RPRD2: variants seen among roughly 807,000 people sequenced by gnomAD.
The protein encoded by RPRD2 is regulation of nuclear pre-mRNA domain-containing protein 2.
RPRD2 carries 12 observed loss-of-function variants against 104.4 expected under a neutral mutation model. That is an observed-to-expected ratio of 0.11 (90% confidence interval 0.07 to 0.19). The LOEUF (loss-of-function observed/expected upper bound fraction) is 0.19, where lower values mean the gene tolerates loss of function less well. Ranked by LOEUF, RPRD2 falls within the 10% of genes least tolerant of loss-of-function variation. The probability of loss-of-function intolerance (pLI) is 1.00; values close to 1 mark genes in which losing one functional copy is unlikely to be tolerated. For missense variants in RPRD2, 1,543 were observed against 1,790.1 expected (o/e 0.86, Z 2.49); for synonymous variants, 714 against 684.9 (o/e 1.04, Z -0.66).
In RPRD2 at chr1:150,470,859, T is replaced by C. The variant is rs1240106331; in HGVS notation, c.1911T>C (p.Thr637=). 1 of 1,613,870 alleles carries C rather than the reference T, an allele frequency of 6.2e-7. No homozygotes were observed. Among genetic ancestry groups the C allele is most frequent in the Non-Finnish European group, 8.5e-7 (1 of 1,179,898 alleles). The change falls in exon 11 of 11, where the codon ACT becomes ACC. Residue 637 remains threonine, a synonymous_variant. Coordinates refer to ENST00000369068, the MANE Select transcript of RPRD2 (RefSeq NM_015203.5). ...TGGGGTTTACAGCTACCCACAATACTAGCCCTGCTGCCCCACCTACTGAAG... is the reference window on the plus strand; with the variant it reads ...TGGGGTTTACAGCTACCCACAATACCAGCCCTGCTGCCCCACCTACTGAAG... The part of the protein sequence containing the change: ...NSLGFTATHN[T]SPAAPPTEVT...
chr1:150,453,318 A>G (rs1418180656), intron 7 of RPRD2, among the ~76,000 whole-genome samples: 2 of 152,180 alleles, frequency 1.3e-5, no homozygotes, highest in Admixed American at 1.3e-4. Flanking sequence ...GGCGTGAGCC[A>G]CCGCGCCTGG....
intron 1 of RPRD2, among the ~76,000 whole-genome samples, chr1:150,416,598 G>T (rs1042661270): frequency 1.3e-5 from 2 of 152,084 alleles, no homozygotes; most frequent in African/African-American, 4.8e-5. Flanking sequence ...ACTGGGTGTG[G>T]TGGCTCACAC....
intron 2 of RPRD2, among the ~76,000 whole-genome samples, chr1:150,424,019 T>C (rs1664944648): frequency 6.6e-6 from 1 of 152,064 alleles, no homozygotes; most frequent in South Asian, 2.1e-4. Context: ...CTCAAACTCC[T>C]GACCTCAGGT....
At chr1:150,466,142 G>C (rs2102429452) in intron 10 of RPRD2, among the ~76,000 whole-genome samples, 1 of 152,150 alleles carries the variant, frequency 6.6e-6, no homozygotes, top group East Asian at 1.9e-4. Context: ...ACTTTGGGAG[G>C]CTGAGGCAGG....
rs752662984 is a variant in RPRD2 at position 150,473,140 on chromosome 1, C to T, written c.4192C>T (p.Pro1398Ser). 4.3e-6 allele frequency: 7 copies of T among 1,613,858 alleles called. No homozygotes were observed. The highest frequency in any genetic ancestry group is 5.9e-6 in the Non-Finnish European group (7 of 1,179,880). Residue 1398 changes from proline (P) to serine (S), a missense_variant, in exon 11 of 11, where the codon CCC becomes TCC. Physicochemically the swap from Pro to Ser is moderately conservative, Grantham distance 74 (BLOSUM62 -1). Coordinates refer to ENST00000369068, the MANE Select transcript of RPRD2 (RefSeq NM_015203.5). ...AGGCAGCAACAGCAGCAGTGGCCCC[C>T]CCTTGGGTCCCTCACACAGAGACAC... ...GGGSNSSSGP[P>S]LGPSHRDTIS...
At chr1:150,459,960 T>A in intron 8 of RPRD2, 100 bp from the exon 9 acceptor site, 6 of 1,080,458 alleles carry the variant, frequency 5.6e-6, no homozygotes, top group South Asian at 1.6e-5. Flanking sequence ...AAGTAGTGCC[T>A]TTTCCCCCAA....
At position 150,472,784 on chromosome 1, in the gene RPRD2, A is replaced by T; in HGVS notation, c.3836A>T (p.His1279Leu). 6.2e-7 allele frequency: 1 copy of T among 1,610,932 alleles called. No individual in the cohort carries two copies. Among genetic ancestry groups the T allele is most frequent in the Non-Finnish European group, 8.5e-7 (1 of 1,177,478 alleles). Residue 1279 changes from histidine to leucine, a missense_variant, in exon 11 of 11, where the codon CAT (histidine) becomes CTT (leucine). Around this residue, in one of 4 missense-constraint regions of RPRD2, gnomAD observed 880 missense variants for 885.6 expected, o/e 0.99. Coordinates refer to ENST00000369068, the MANE Select transcript of RPRD2 (RefSeq NM_015203.5). ...CCTCCTCCTCCCCCTCCTGGGGAAC[A>T]TAGCAGCAGTGGTGGGAGTGGTGTC... is the stretch of plus-strand genomic sequence containing the variant. The part of the protein sequence containing the change: ...TPPPPPPPGE[H>L]SSSGGSGVPF...
chr1:150,427,342 G>C (rs12045304), intron 2 of RPRD2, among the ~76,000 whole-genome samples: 1 of 151,650 alleles, frequency 6.6e-6, no homozygotes, highest in African/African-American at 2.4e-5. Context: ...GCGTGGTAGC[G>C]CGTGCCTGTA....
chr1:150,446,486 G>A (rs1485380255), intron 7 of RPRD2, 85 bp downstream of exon 7: 1 of 1,185,532 alleles, frequency 8.4e-7, no homozygotes, highest in Non-Finnish European at 1.2e-6. Flanking sequence ...AACTCTGTTA[G>A]GATATGCATT....
chr1:150,429,254 G>C (rs1433882973), intron 2 of RPRD2, among the ~76,000 whole-genome samples: 1 of 152,040 alleles, frequency 6.6e-6, no homozygotes, highest in Non-Finnish European at 1.5e-5. Context: ...CACCACGCCT[G>C]ACTAATTTTG....
intron 1 of RPRD2, among the ~76,000 whole-genome samples, chr1:150,411,385 T>C (rs1663893583): frequency 7.1e-6 from 1 of 140,042 alleles, no homozygotes; most frequent in African/African-American, 2.8e-5. Flanking sequence ...TGCTTGAACC[T>C]GGGAGGCGGA....
At chr1:150,437,060 A>G (rs1200373337) in intron 2 of RPRD2, among the ~76,000 whole-genome samples, 3 of 151,838 alleles carry the variant, frequency 2.0e-5, no homozygotes, top group Non-Finnish European at 4.4e-5. Flanking sequence ...AAAAGAAAGA[A>G]AGACATTTTG....
At chr1:150,432,175 T>TAAA (rs59749202) in intron 2 of RPRD2, among the ~76,000 whole-genome samples, 3 of 131,176 alleles carry the variant, frequency 2.3e-5, no homozygotes, top group African/African-American at 8.6e-5. Flanking sequence ...CCCTAAATCT[T>TAAA]AAAAAAAAAA....
intron 1 of RPRD2, among the ~76,000 whole-genome samples, chr1:150,378,132 TGTA>T (rs1398160397): frequency 6.6e-6 from 1 of 152,178 alleles, no homozygotes; most frequent in Non-Finnish European, 1.5e-5. Context: ...CAGTCATTAA[TGTA>T]GTTAATTTTA....
At chr1:150,375,941 T>C (rs1660650104) in intron 1 of RPRD2, among the ~76,000 whole-genome samples, 1 of 152,192 alleles carries the variant, frequency 6.6e-6, no homozygotes, top group Non-Finnish European at 1.5e-5. Flanking sequence ...TTCGTAGTGA[T>C]TTCAAATTCC....
chr1:150,457,552 G>A lies in RPRD2; in HGVS notation c.1135G>A (p.Asp379Asn). 3 of 1,613,866 alleles carry A rather than the reference G, an allele frequency of 1.9e-6. No homozygotes were observed. The highest frequency in any genetic ancestry group is 2.5e-6 in the Non-Finnish European group (3 of 1,179,764). Residue 379 changes from aspartate (D) to asparagine (N), a missense_variant, in exon 8 of 11, where the codon GAT (aspartate) becomes AAT (asparagine). Physicochemically the swap from Asp to Asn is conservative, Grantham distance 23 (BLOSUM62 1). This residue lies in a region of RPRD2 where 572 missense variants were observed against 787.3 expected (regional missense o/e 0.73). Transcript: ENST00000369068. ...CATGGAACTCTCAGATGTGGAAGAT[G>A]ATGGGTCAAAAATCATTGGTATGTC... Reference protein sequence around the residue: ...EDMELSDVEDDGSKIIVEDRK... With the variant: ...EDMELSDVEDNGSKIIVEDRK...
intron 2 of RPRD2, among the ~76,000 whole-genome samples, chr1:150,432,719 T>C (rs782627475): frequency 2.0e-5 from 3 of 150,960 alleles, no homozygotes; most frequent in Non-Finnish European, 4.4e-5. Context: ...GGCTCACACG[T>C]GTAATCCTGA....
At chr1:150,460,825 T>C (rs1161401220) in intron 9 of RPRD2, among the ~76,000 whole-genome samples, 1 of 151,056 alleles carries the variant, frequency 6.6e-6, no homozygotes, top group Admixed American at 6.6e-5. Flanking sequence ...ATCTCCCAGG[T>C]TCAAGCAATT....
chr1:150,395,006 A>T (rs1376209493), intron 1 of RPRD2, among the ~76,000 whole-genome samples: 2 of 152,128 alleles, frequency 1.3e-5, no homozygotes, highest in Admixed American at 6.6e-5. Context: ...TTTAAATTAA[A>T]TTTTTTTATT....
Sources: gnomAD v4.1 joint callset for allele counts (sites outside exome capture counted in the v4.1 genomes callset) on GRCh38, gnomAD v4.1.1 for gene constraint, gnomAD v4.1.1 regional missense constraint, MANE v1.5 for transcripts, NCBI Gene and HGNC (gene_info 2026-07-23, HGNC 2026-07-21) for gene names.